Variants in DHRS4 observed in about 807,000 individuals in gnomAD.
The protein encoded by DHRS4 is dehydrogenase/reductase 4.
Under a neutral mutation model 28.4 loss-of-function variants are expected in DHRS4, and 20 were observed. The observed-to-expected ratio is 0.71, with a 90% CI of 0.50 to 1.02. The LOEUF (loss-of-function observed/expected upper bound fraction) is 1.02, where lower values mean the gene tolerates loss of function less well. Among genes scored for constraint, DHRS4 ranks in the 50% least tolerant of loss-of-function variants. The pLI, the probability that DHRS4 is intolerant of heterozygous loss-of-function variation, is 0.00. For missense variants in DHRS4, 378 were observed against 367.2 expected (o/e 1.03, Z -0.24); for synonymous variants, 144 against 146.4 (o/e 0.98, Z 0.12).
Position 23,953,932 on chromosome 14 carries a change from G to A in DHRS4, c.128+16G>A, listed in dbSNP as rs374331916. The A allele has an allele frequency of 1.3e-6, 2 of 1,568,728 alleles. No individual in the cohort carries two copies. The highest frequency in any genetic ancestry group is 1.4e-5 in the African/African-American group (1 of 73,294). On this transcript the variant is annotated intron_variant, in intron 1 of 7. Coordinates refer to ENST00000313250, the MANE Select transcript of DHRS4 (RefSeq NM_021004.4). ...CCACCGACGGGTGAGTGCTCCGGCC[G>A]GAGTTTCTGAGGCCCTGGCTGCCTG...
chr14:23,954,375 G>A (rs1367439701), intron 1 of DHRS4, among the ~76,000 whole-genome samples: 3 of 152,178 alleles, frequency 2.0e-5, no homozygotes, highest in Non-Finnish European at 2.9e-5. Flanking sequence ...AGAGCCATAT[G>A]TCGAGATTTT....
rs2033583483 is a variant in DHRS4 at position 23,965,571 on chromosome 14, T to C, written c.409-191T>C. Among the ~76,000 whole-genome samples the C allele has an allele frequency of 1.4e-5, 2 of 148,026 alleles. 1 individual carries two copies. The highest frequency in any genetic ancestry group is 4.1e-4 in the East Asian group (2 of 4,858). The stretch of plus-strand genomic sequence containing the variant: ...CACCTGAACCTAATGTATCAATATC[T>C]AGCTGAGCAGCTGGTGAGAGCTACT... On this transcript the variant is annotated intron_variant, in intron 3 of 7. Transcript: ENST00000313250.
chr14:23,965,888 A>C (rs1219520180), intron 4 of DHRS4, 44 bp from the exon 5 acceptor site: 1 of 1,606,624 alleles, frequency 6.2e-7, no homozygotes, highest in Non-Finnish European at 8.5e-7. Flanking sequence ...GGCTGAGGGC[A>C]CTGGTCCACA....
chr14:23,956,451 C>A (rs187829975), intron 2 of DHRS4, among the ~76,000 whole-genome samples: 6 of 152,240 alleles, frequency 3.9e-5, no homozygotes, highest in Non-Finnish European at 7.4e-5. Context: ...GATGAGGTTC[C>A]AGATAACTCT....
chr14:23,967,158 A>C lies in DHRS4; in HGVS notation c.667-53A>C, dbSNP rs112882013. 3.9e-5 allele frequency: 61 copies of C among 1,559,428 alleles called. No homozygotes were observed. In the Middle Eastern group the frequency reaches 5.1e-4, roughly 13 times the overall value. ...AAAAGAGCAAGACTCCGTCTCTAAA[A>C]AGAAAAAGAAAAAGAAAAAAAAAAC... On this transcript the variant is annotated intron_variant, in intron 6 of 7. Transcript: ENST00000313250.
At chr14:23,966,053 C>G in intron 5 of DHRS4, 70 bp downstream of exon 5, 1 of 1,607,798 alleles carries the variant, frequency 6.2e-7, no homozygotes, top group Non-Finnish European at 8.5e-7. Flanking sequence ...TCCTATTACC[C>G]AAGGAAGTTT....
intron 3 of DHRS4, among the ~76,000 whole-genome samples, chr14:23,964,032 T>G (rs2033514869): frequency 6.6e-6 from 1 of 151,074 alleles, no homozygotes; most frequent in African/African-American, 2.5e-5. Context: ...TGGTTTGTGG[T>G]ACCCCAAAAC....
At chr14:23,968,650 A>G in intron 7 of DHRS4, 107 bp from the exon 8 acceptor site, 2 of 1,541,190 alleles carry the variant, frequency 1.3e-6, no homozygotes, top group Non-Finnish European at 1.8e-6. Flanking sequence ...ACCCTGAAAA[A>G]GCCATCTGAT....
rs564556182 is a variant in DHRS4 at position 23,959,765 on chromosome 14, C to T, written c.307-137C>T. 7.6e-5 allele frequency: 76 copies of T among 994,204 alleles called. 1 individual carries two copies. The highest frequency in any genetic ancestry group is 3.9e-5 in the Admixed American group (2 of 50,914). 61.6% of individuals were successfully genotyped at this position (994,204 alleles called of 1,614,324 possible). On this transcript the variant is annotated intron_variant, in intron 2 of 7. Transcript: ENST00000313250. ...AACTCCTCAGCTCAAGTGAGCCTCC[C>T]ACCTTGGCCTCCCAAAGTGCCATGA...
At chr14:23,960,826 T>C (rs2146574) in intron 3 of DHRS4, among the ~76,000 whole-genome samples, 1 of 152,072 alleles carries the variant, frequency 6.6e-6, no homozygotes, top group Non-Finnish European at 1.5e-5. Context: ...GAAAAGAAGT[T>C]TGTTTTGGCT....
At position 23,964,247 on chromosome 14, in the gene DHRS4, A is replaced by AAAAAC. The variant is rs1566475593; in HGVS notation, c.409-1511_409-1510insCAAAA. ...AAAAAAAAAAAAAAAAAAAAAAAAA[A>AAAAAC]AAAAAAACACAATATCTGCAAAGCA... On this transcript the variant is annotated intron_variant, in intron 3 of 7. Transcript: ENST00000313250. Among the ~76,000 whole-genome samples, 22 of 129,754 alleles carry AAAAAC rather than the reference A, an allele frequency of 1.7e-4. 2 individuals are homozygous for AAAAAC. Among genetic ancestry groups the AAAAAC allele is most frequent in the African/African-American group, 7.3e-4 (22 of 30,168 alleles). 85.1% of individuals were successfully genotyped at this position (129,754 alleles called of 152,430 possible).
rs1256701867 is a variant in DHRS4 at position 23,955,056 on chromosome 14, G to A, written c.150G>A (p.Arg50=). 1 of 1,614,186 alleles carries A rather than the reference G, an allele frequency of 6.2e-7. No individual in the cohort carries two copies. The change falls in exon 2 of 8, where the codon CGG becomes CGA. Residue 50 remains arginine (R), a synonymous_variant. Coordinates refer to ENST00000313250, the MANE Select transcript of DHRS4 (RefSeq NM_021004.4). ...ACAGGATCGGCTTCGCCATCGCCCG[G>A]CGTTTGGCCCAGGACGGGGCCCATG... ...STDGIGFAIA[R]RLAQDGAHVV...
In DHRS4 at chr14:23,964,822, C is replaced by A. The variant is rs1380467986; in HGVS notation, c.409-940C>A. On this transcript the variant is annotated intron_variant, in intron 3 of 7. Coordinates refer to ENST00000313250, the MANE Select transcript of DHRS4 (RefSeq NM_021004.4). Reference sequence around the variant, plus strand: ...AACTCCTGACCTAAAAGTGATCCACCCATCTTGGCCTCCCGAAGTGCAGGG... The same window carrying A: ...AACTCCTGACCTAAAAGTGATCCACACATCTTGGCCTCCCGAAGTGCAGGG... Among the ~76,000 whole-genome samples the A allele has an allele frequency of 5.4e-5, 8 of 149,004 alleles. No homozygotes were observed. The East Asian group carries it at 1.0e-3, about 19-fold the overall frequency.
In DHRS4 at chr14:23,965,973, G is replaced by T. The variant is rs780269987; in HGVS notation, c.521G>T (p.Ser174Ile). The change falls in exon 5 of 8, where the codon AGT becomes ATT. Residue 174 changes from serine (S) to isoleucine (I), a missense_variant. Transcript: ENST00000313250. ...VVIVSSIAAF[S>I]PSPGFSPYNV... The stretch of plus-strand genomic sequence containing the variant: ...ATCGTGTCTTCCATAGCAGCCTTCA[G>T]TCCATCTCCTGTAAGAACCCTTTTG... 7.3e-5 allele frequency: 118 copies of T among 1,610,564 alleles called. 1 individual carries two copies. The Admixed American group carries it at 2.0e-3, about 27-fold the overall frequency.
chr14:23,957,931 G>T (rs1412549230), intron 2 of DHRS4, among the ~76,000 whole-genome samples: 2 of 150,662 alleles, frequency 1.3e-5, no homozygotes, highest in South Asian at 2.1e-4. Flanking sequence ...GACCTGGAAG[G>T]AGAGGAGTAT....
intron 2 of DHRS4, among the ~76,000 whole-genome samples, chr14:23,957,694 C>T (rs932645714): frequency 4.7e-5 from 7 of 149,156 alleles, no homozygotes; most frequent in Non-Finnish European, 1.0e-4. Context: ...GTGGCTAAAA[C>T]TATAGGCATG....
intron 2 of DHRS4, among the ~76,000 whole-genome samples, chr14:23,955,969 T>A (rs1019098770): frequency 3.9e-5 from 6 of 152,292 alleles, no homozygotes; most frequent in Admixed American, 6.5e-5. Flanking sequence ...GAAGGGAGAA[T>A]CTACCCAAAA....
At chr14:23,960,116 C>T (rs1242047878) in intron 3 of DHRS4, 113 bp downstream of exon 3, 12 of 1,015,218 alleles carry the variant, frequency 1.2e-5, no homozygotes, top group African/African-American at 1.6e-5. Context: ...TGTGAGGACT[C>T]TTTGCCACGT....
At position 23,968,893 on chromosome 14, in the gene DHRS4, G is replaced by C. The variant is rs1283091362; in HGVS notation, c.*22G>C. On this transcript the variant is annotated 3_prime_UTR_variant, in exon 8 of 8. Coordinates refer to ENST00000313250, the MANE Select transcript of DHRS4 (RefSeq NM_021004.4). The stretch of plus-strand genomic sequence containing the variant: ...CTGAGGACCGGGAGACAGCCCACAG[G>C]CCAGAGTTGGGCTCTAGCTCCTGGT... 6.2e-7 allele frequency: 1 copy of C among 1,605,266 alleles called. No homozygotes were observed. Among genetic ancestry groups the C allele is most frequent in the Non-Finnish European group, 8.5e-7 (1 of 1,176,112 alleles).
Sources: allele counts gnomAD v4.1 joint callset (sites outside exome capture counted in the v4.1 genomes callset), GRCh38; gene constraint gnomAD v4.1.1; transcripts MANE v1.5; gene names NCBI Gene and HGNC (gene_info 2026-07-23, HGNC 2026-07-21).